Variants in CRIPT observed in about 807,000 individuals in gnomAD.
The protein encoded by CRIPT is cysteine-rich PDZ-binding protein.
CRIPT carries 20 observed loss-of-function variants against 16.6 expected under a neutral mutation model. That is an observed-to-expected ratio of 1.20 (90% CI 0.85 to 1.75). The LOEUF (loss-of-function observed/expected upper bound fraction) is 1.75, where lower values mean the gene tolerates loss of function less well. CRIPT is among the 40% of genes most tolerant of loss of function. The pLI is 0.00. For synonymous variants in CRIPT, 42 were observed against 37.0 expected, an observed-to-expected ratio of 1.14 and a Z score of -0.49; for missense variants, 133 against 115.3, an observed-to-expected ratio of 1.15 and a Z score of -0.70.
Position 46,624,274 on chromosome 2 carries a change from C to A in CRIPT, c.*47C>A, listed in dbSNP as rs1362475986. ...CTTTCTAAATGATTTTACTTTCTGC[C>A]TTGAATTTTCAAGGCATAGATGTCA... On this transcript the variant is annotated 3_prime_UTR_variant, in exon 5 of 5. Transcript: ENST00000238892. 7.5e-7 allele frequency: 1 copy of A among 1,336,890 alleles called. No individual in the cohort carries two copies. The highest frequency in any genetic ancestry group is 1.0e-6 in the Non-Finnish European group (1 of 971,208). 82.8% of individuals were successfully genotyped at this position (1,336,890 alleles called of 1,614,324 possible).
Position 46,617,221 on chromosome 2 carries a change from T to C in CRIPT, c.-62T>C. The C allele has an allele frequency of 1.9e-6, 3 of 1,549,812 alleles. No homozygotes were observed. The highest frequency in any genetic ancestry group is 2.6e-6 in the Non-Finnish European group (3 of 1,145,818). On this transcript the variant is annotated 5_prime_UTR_variant, in exon 1 of 5. Transcript: ENST00000238892. ...AGGGGAATACTTCCAAGTTGTAGTG[T>C]TGTTGTTTTCAGCCTGCTGCTGCTG...
rs1286062446 is a variant in CRIPT at position 46,628,188 on chromosome 2, G to A, written c.*3961G>A. Among the ~76,000 whole-genome samples, 1 of 148,472 alleles carries A rather than the reference G, an allele frequency of 6.7e-6. No individual in the cohort carries two copies. Among genetic ancestry groups the A allele is most frequent in the African/African-American group, 2.5e-5 (1 of 39,778 alleles). ...TGCAGCTGTGCAATCTCAGCTCACTGCAACCTCTGCCTCCTGAGTTCAAGC... is the reference window on the plus strand; with the variant it reads ...TGCAGCTGTGCAATCTCAGCTCACTACAACCTCTGCCTCCTGAGTTCAAGC... On this transcript the variant is annotated 3_prime_UTR_variant, in exon 5 of 5. Coordinates refer to ENST00000238892, the MANE Select transcript of CRIPT (RefSeq NM_014171.6).
intron 2 of CRIPT, among the ~76,000 whole-genome samples, chr2:46,619,185 A>G (rs1670745075): frequency 6.6e-6 from 1 of 152,150 alleles, no homozygotes. Context: ...TCTGATTTTT[A>G]TATTCTTGAA....
chr2:46,629,639 C>G lies in CRIPT; in HGVS notation c.*5412C>G, dbSNP rs1240595365. On this transcript the variant is annotated 3_prime_UTR_variant, in exon 5 of 5. Coordinates refer to ENST00000238892, the MANE Select transcript of CRIPT (RefSeq NM_014171.6). ...TCCTCATGGTTAGATTGGGGTAGTG[C>G]AGTGAGGGTTGAAATGCTGTAAGTG... 6.6e-6 allele frequency among the ~76,000 whole-genome samples: 1 copy of G among 152,124 alleles called. No homozygotes were observed. The highest frequency in any genetic ancestry group is 1.5e-5 in the Non-Finnish European group (1 of 68,030).
In CRIPT at chr2:46,625,457, G is replaced by T. The variant is rs1442918575; in HGVS notation, c.*1230G>T. The T allele has an allele frequency of 7.0e-6, 1 of 143,058 alleles. No homozygotes were observed. Among genetic ancestry groups the T allele is most frequent in the Non-Finnish European group, 1.5e-5 (1 of 66,786 alleles). 8.9% of individuals were successfully genotyped at this position (143,058 alleles called of 1,614,324 possible). A position where few individuals can be genotyped will look rare whatever the true frequency, so the allele number is the denominator to read the frequency against. Reference sequence around the variant, plus strand: ...TCTTATGTTGCCTTCAGAGGTTCAGGACTTCTGCTTTTAAAACCTGCAGCC... The same window carrying T: ...TCTTATGTTGCCTTCAGAGGTTCAGTACTTCTGCTTTTAAAACCTGCAGCC... On this transcript the variant is annotated 3_prime_UTR_variant, in exon 5 of 5. Transcript: ENST00000238892.
In CRIPT at chr2:46,620,749, A is replaced by C. The variant is rs1670781977; in HGVS notation, c.137+1068A>C. On this transcript the variant is annotated intron_variant, in intron 3 of 4. Coordinates refer to ENST00000238892, the MANE Select transcript of CRIPT (RefSeq NM_014171.6). ...ATTATAATATTATTATATATATATA[A>C]CTCCCAAATTTATACCTCTGGCCTG... is the stretch of plus-strand genomic sequence containing the variant. Among the ~76,000 whole-genome samples, 3 of 148,502 alleles carry C rather than the reference A, an allele frequency of 2.0e-5. No individual in the cohort carries two copies. The South Asian group carries it at 6.3e-4, about 31-fold the overall frequency.
chr2:46,617,718 A>C (rs1228967000), intron 1 of CRIPT, among the ~76,000 whole-genome samples: 1 of 152,178 alleles, frequency 6.6e-6, no homozygotes, highest in Non-Finnish European at 1.5e-5. Flanking sequence ...CATTCTCATT[A>C]GTCATTATGC....
Position 46,625,840 on chromosome 2 carries a change from A to G in CRIPT, c.*1613A>G, listed in dbSNP as rs1478627717. 1 of 152,202 alleles carries G rather than the reference A, an allele frequency of 6.6e-6. No individual in the cohort carries two copies. Among genetic ancestry groups the G allele is most frequent in the Admixed American group, 6.5e-5 (1 of 15,282 alleles). The allele number at this position is 152,202 out of a possible 1,614,324, so 9.4% of individuals were successfully genotyped here. A position where few individuals can be genotyped will look rare whatever the true frequency, so the allele number is the denominator to read the frequency against. ...TCAGAGAGCATCCCAGATCCATTAA[A>G]GATTGGATTCATTGACTTGGAGAAA... On this transcript the variant is annotated 3_prime_UTR_variant, in exon 5 of 5. Coordinates refer to ENST00000238892, the MANE Select transcript of CRIPT (RefSeq NM_014171.6).
rs2104178969 is a variant in CRIPT at position 46,625,752 on chromosome 2, C to T, written c.*1525C>T. ...AATTTATCTGAGAGCAGGAAGTATC[C>T]TCTCATGCTTAATCAGTTTGGGGTT... On this transcript the variant is annotated 3_prime_UTR_variant, in exon 5 of 5. Coordinates refer to ENST00000238892, the MANE Select transcript of CRIPT (RefSeq NM_014171.6). 2 of 151,978 alleles carry T rather than the reference C, an allele frequency of 1.3e-5. No individual in the cohort carries two copies. The highest frequency in any genetic ancestry group is 3.9e-4 in the East Asian group (2 of 5,190). The allele number at this position is 151,978 out of a possible 1,614,324, so 9.4% of individuals were successfully genotyped here.
rs375537241 is a variant in CRIPT, at chr2:46,623,817, C to T, written c.191C>T (p.Ser64Phe). ...KFSTCRICKS[S>F]VHQPGSHYCQ... is the part of the protein sequence containing the mutation. Reference sequence around the variant, plus strand: ...TCCACTTGTAGAATTTGTAAAAGTTCTGTGCACCAACCAGGTTCTCATTAC... The same window carrying T: ...TCCACTTGTAGAATTTGTAAAAGTTTTGTGCACCAACCAGGTTCTCATTAC... The change falls in exon 4 of 5, where the codon TCT becomes TTT. Residue 64 changes from serine (S) to phenylalanine (F), a missense_variant. Ser to Phe is a radical substitution (Grantham distance 155). Coordinates refer to ENST00000238892, the MANE Select transcript of CRIPT (RefSeq NM_014171.6). 87 of 1,610,892 alleles carry T rather than the reference C, an allele frequency of 5.4e-5. No homozygotes were observed. The highest frequency in any genetic ancestry group is 7.2e-5 in the Non-Finnish European group (85 of 1,178,298).
rs1418824535 is a variant in CRIPT, at chr2:46,618,805, G to C, written c.49G>C (p.Asp17His). 6.2e-7 allele frequency: 1 copy of C among 1,607,488 alleles called. No homozygotes were observed. Residue 17 changes from aspartate (D) to histidine (H), a missense_variant, in exon 2 of 5, where the codon GAT (aspartate) becomes CAT (histidine). Asp to His is a moderately conservative substitution (Grantham distance 81). Coordinates refer to ENST00000238892, the MANE Select transcript of CRIPT (RefSeq NM_014171.6). ...EKKLGTVITPDTWKDGARNTT... is the reference protein window; with the variant it reads ...EKKLGTVITPHTWKDGARNTT... ...GAAACTTGGTACTGTTATCACTCCAGATACATGGAAAGATGGTGCTAGGAA... is the reference window on the plus strand; with the variant it reads ...GAAACTTGGTACTGTTATCACTCCACATACATGGAAAGATGGTGCTAGGAA...
intron 1 of CRIPT, 35 bp downstream of exon 1, chr2:46,617,333 G>C: frequency 6.4e-7 from 1 of 1,551,506 alleles, no homozygotes; most frequent in Non-Finnish European, 8.7e-7. Context: ...GGAGGAGGAG[G>C]CTGGGAGAAC....
intron 1 of CRIPT, 50 bp from the exon 2 acceptor site, chr2:46,618,723 C>A: frequency 1.6e-6 from 2 of 1,216,968 alleles, no homozygotes; most frequent in Non-Finnish European, 2.4e-6. Context: ...ATGTAATGCA[C>A]TTATTAAATA....
At position 46,623,772 on chromosome 2, in the gene CRIPT, C is replaced by G. The variant is rs377397776; in HGVS notation, c.146C>G (p.Pro49Arg). The G allele has an allele frequency of 6.8e-5, 109 of 1,595,414 alleles. No homozygotes were observed. Among genetic ancestry groups the G allele is most frequent in the Non-Finnish European group, 9.2e-5 (107 of 1,168,312 alleles). Residue 49 changes from proline to arginine, a missense_variant, in exon 4 of 5, where the codon CCA (proline) becomes CGA (arginine). Pro to Arg is a moderately radical substitution (Grantham distance 103). Transcript: ENST00000238892. The part of the protein sequence containing the change: ...ALTSKKARFD[P>R]YGKNKFSTCR... ...TTAAAAAAAATTTCTAGATTTGATCCATATGGAAAGAATAAGTTCTCCACT... is the reference window on the plus strand; with the variant it reads ...TTAAAAAAAATTTCTAGATTTGATCGATATGGAAAGAATAAGTTCTCCACT...
chr2:46,629,621 G>C lies in CRIPT; in HGVS notation c.*5394G>C, dbSNP rs1445754814. Among the ~76,000 whole-genome samples the C allele has an allele frequency of 6.6e-6, 1 of 152,158 alleles. No individual in the cohort carries two copies. Among genetic ancestry groups the C allele is most frequent in the Non-Finnish European group, 1.5e-5 (1 of 68,026 alleles). On this transcript the variant is annotated 3_prime_UTR_variant, in exon 5 of 5. Transcript: ENST00000238892. ...TTGGGTTTTTCTGATGTTTCCTCAT[G>C]GTTAGATTGGGGTAGTGCAGTGAGG... is the stretch of plus-strand genomic sequence containing the variant.
In CRIPT at chr2:46,628,689, G is replaced by T. The variant is rs1671001657; in HGVS notation, c.*4462G>T. 6.6e-6 allele frequency among the ~76,000 whole-genome samples: 1 copy of T among 152,078 alleles called. No homozygotes were observed. Among genetic ancestry groups the T allele is most frequent in the African/African-American group, 2.4e-5 (1 of 41,402 alleles). ...AGGTTCTCCTATGAAGATTTTTGTTGTATTGTACCTCAGAACCATCTCCAT... is the reference window on the plus strand; with the variant it reads ...AGGTTCTCCTATGAAGATTTTTGTTTTATTGTACCTCAGAACCATCTCCAT... On this transcript the variant is annotated 3_prime_UTR_variant, in exon 5 of 5. Coordinates refer to ENST00000238892, the MANE Select transcript of CRIPT (RefSeq NM_014171.6).
Position 46,624,465 on chromosome 2 carries a change from A to C in CRIPT, c.*238A>C, listed in dbSNP as rs1307429513. ...AGAACTAAGTGGCAAATTCCATGAA[A>C]ATATTTCTCAGTTCTGTATGCACTT... is the stretch of plus-strand genomic sequence containing the variant. On this transcript the variant is annotated 3_prime_UTR_variant, in exon 5 of 5. Coordinates refer to ENST00000238892, the MANE Select transcript of CRIPT (RefSeq NM_014171.6). 11 of 315,962 alleles carry C rather than the reference A, an allele frequency of 3.5e-5. No homozygotes were observed. The highest frequency in any genetic ancestry group is 6.3e-5 in the Non-Finnish European group (11 of 173,698). The allele number at this position is 315,962 out of a possible 1,614,324, so 19.6% of individuals were successfully genotyped here. A position where few individuals can be genotyped will look rare whatever the true frequency, so the allele number is the denominator to read the frequency against.
At chr2:46,622,539 C>T (rs1028394102) in intron 3 of CRIPT, among the ~76,000 whole-genome samples, 6 of 150,370 alleles carry the variant, frequency 4.0e-5, no homozygotes, top group Non-Finnish European at 7.4e-5. Context: ...CTCAGCTGGG[C>T]GCAGTGGTTC....
chr2:46,623,429 A>G (rs1050113916), intron 3 of CRIPT, among the ~76,000 whole-genome samples: 1 of 152,216 alleles, frequency 6.6e-6, no homozygotes, highest in Non-Finnish European at 1.5e-5. Context: ...CTTAGGTTAT[A>G]TGGAATCAGT....
Sources: allele counts gnomAD v4.1 joint callset (sites outside exome capture counted in the v4.1 genomes callset), GRCh38; gene constraint gnomAD v4.1.1; transcripts MANE v1.5; gene names NCBI Gene and HGNC (gene_info 2026-07-23, HGNC 2026-07-21).